PIP5K1B: variants seen among roughly 807,000 people sequenced by gnomAD.
The protein encoded by PIP5K1B is phosphatidylinositol 4-phosphate 5-kinase type-1 beta.
Under a neutral mutation model 67.0 loss-of-function variants are expected in PIP5K1B, and 42 were observed. The ratio of observed to expected loss-of-function variants is 0.63; its 90% CI spans 0.49 to 0.81. PIP5K1B has a LOEUF of 0.81. PIP5K1B is among the 30% of genes least tolerant of loss of function. The pLI is 0.00. For missense variants in PIP5K1B, 459 were observed against 646.3 expected, an observed-to-expected ratio of 0.71 and a Z score of 3.14; for synonymous variants, 214 against 231.4, an observed-to-expected ratio of 0.92 and a Z score of 0.68.
intron 14 of PIP5K1B, among the ~76,000 whole-genome samples, chr9:68,971,310 C>A (rs542492073): frequency 6.6e-6 from 1 of 152,296 alleles, no homozygotes; most frequent in East Asian, 1.9e-4. Flanking sequence ...AATGTCCCTG[C>A]AAAGGACATA....
At chr9:68,850,888 A>G (rs779673092) in intron 4 of PIP5K1B, among the ~76,000 whole-genome samples, 14 of 152,244 alleles carry the variant, frequency 9.2e-5, no homozygotes, top group Non-Finnish European at 1.8e-4. Flanking sequence ...TTACATTTAT[A>G]ATGAATATCT....
intron 14 of PIP5K1B, among the ~76,000 whole-genome samples, chr9:68,990,576 C>T (rs1258739467): frequency 1.3e-5 from 2 of 149,746 alleles, no homozygotes; most frequent in Admixed American, 6.7e-5. Flanking sequence ...ACTCACAAGG[C>T]ATGGGACCCA....
intron 6 of PIP5K1B, 100 bp from the exon 7 acceptor site, chr9:68,888,881 G>C: frequency 1.3e-6 from 1 of 792,966 alleles, no homozygotes; most frequent in Non-Finnish European, 2.0e-6. Flanking sequence ...GAGGCTTCTT[G>C]TTTCAACATA....
chr9:68,884,022 A>C (rs1410287446), intron 6 of PIP5K1B, among the ~76,000 whole-genome samples: 1 of 152,216 alleles, frequency 6.6e-6, no homozygotes, highest in Non-Finnish European at 1.5e-5. Context: ...TAAAGTCTTA[A>C]ATGGAAGGCC....
At chr9:68,872,341 C>T (rs1823666083) in intron 5 of PIP5K1B, among the ~76,000 whole-genome samples, 1 of 152,176 alleles carries the variant, frequency 6.6e-6, no homozygotes, top group African/African-American at 2.4e-5. Context: ...CCAGCAGGGG[C>T]CAGCGATCTC....
intron 13 of PIP5K1B, chr9:68,936,062 A>C (rs1827251109): frequency 6.6e-6 from 1 of 152,232 alleles, no homozygotes; most frequent in African/African-American, 2.4e-5. Context: ...TTTCTTGGAT[A>C]AATGCAGAGA....
intron 8 of PIP5K1B, among the ~76,000 whole-genome samples, chr9:68,895,081 C>T (rs892853749): frequency 9.2e-5 from 14 of 151,722 alleles, no homozygotes; most frequent in Admixed American, 6.6e-5. Context: ...ATAATGGCTC[C>T]CTAGAGATCA....
intron 2 of PIP5K1B, among the ~76,000 whole-genome samples, chr9:68,762,127 T>G (rs768230574): frequency 3.9e-5 from 6 of 152,122 alleles, no homozygotes; most frequent in Non-Finnish European, 7.4e-5. Flanking sequence ...TCCAGCTATT[T>G]CTTAAAGCTG....
Position 68,852,953 on chromosome 9 carries a change from T to C in PIP5K1B, c.70-10884T>C, listed in dbSNP as rs139043757. Among the ~76,000 whole-genome samples the C allele has an allele frequency of 1.3e-3, 196 of 152,328 alleles. 3 individuals are homozygous for C. The highest frequency in any genetic ancestry group is 4.5e-3 in the African/African-American group (186 of 41,564). ...GACTTGGTATTTGAGGATTGATTTA[T>C]TACAGCATTTAGCATTAACAGGAAC... On this transcript the variant is annotated intron_variant, in intron 4 of 15. Coordinates refer to ENST00000265382, the MANE Select transcript of PIP5K1B (RefSeq NM_003558.4).
intron 14 of PIP5K1B, among the ~76,000 whole-genome samples, chr9:68,960,020 C>T (rs1355274881): frequency 6.6e-6 from 1 of 152,172 alleles, no homozygotes; most frequent in Non-Finnish European, 1.5e-5. Flanking sequence ...ATATTTCCCT[C>T]TTCTTGGTTT....
At chr9:68,726,901 A>C (rs1012927039) in intron 1 of PIP5K1B, among the ~76,000 whole-genome samples, 1 of 151,942 alleles carries the variant, frequency 6.6e-6, no homozygotes, top group Non-Finnish European at 1.5e-5. Flanking sequence ...CATGTTGAGC[A>C]TCTTTTCATG....
chr9:68,992,669 ATC>A (rs1386709934), intron 15 of PIP5K1B, among the ~76,000 whole-genome samples: 1 of 151,300 alleles, frequency 6.6e-6, no homozygotes, highest in Non-Finnish European at 1.5e-5. Context: ...GTGAAACCCC[ATC>A]TCTACTAAAA....
chr9:68,985,964 A>T (rs1300433596), intron 14 of PIP5K1B, among the ~76,000 whole-genome samples: 1 of 152,254 alleles, frequency 6.6e-6, no homozygotes, highest in Non-Finnish European at 1.5e-5. Context: ...TTATTACTGC[A>T]TAATATTCCA....
At chr9:68,959,170 T>C (rs1828575435) in intron 14 of PIP5K1B, among the ~76,000 whole-genome samples, 2 of 152,180 alleles carry the variant, frequency 1.3e-5, no homozygotes, top group South Asian at 4.1e-4. Flanking sequence ...AGGAACTTTA[T>C]GATAGAGGAA....
intron 6 of PIP5K1B, among the ~76,000 whole-genome samples, chr9:68,878,192 C>T (rs1203074769): frequency 6.6e-6 from 1 of 152,170 alleles, no homozygotes; most frequent in Non-Finnish European, 1.5e-5. Context: ...GCCACACACT[C>T]AAATTTAATG....
intron 14 of PIP5K1B, among the ~76,000 whole-genome samples, chr9:68,949,904 G>A (rs1287094171): frequency 6.6e-6 from 1 of 152,194 alleles, no homozygotes; most frequent in Non-Finnish European, 1.5e-5. Flanking sequence ...CGAACAGTTG[G>A]CTACATCTGA....
chr9:68,966,663 C>G (rs1451811425), intron 14 of PIP5K1B: 1 of 152,120 alleles, frequency 6.6e-6, no homozygotes, highest in Admixed American at 6.6e-5. Flanking sequence ...CACATGGTAT[C>G]CAGAGTGGGA....
At chr9:68,870,486 C>T (rs1823578688) in intron 5 of PIP5K1B, among the ~76,000 whole-genome samples, 1 of 152,128 alleles carries the variant, frequency 6.6e-6, no homozygotes, top group Admixed American at 6.5e-5. Context: ...AAAAAGAGGA[C>T]CAATTTCTGT....
At chr9:68,815,017 T>G (rs1308786396) in intron 2 of PIP5K1B, among the ~76,000 whole-genome samples, 1 of 152,172 alleles carries the variant, frequency 6.6e-6, no homozygotes, top group East Asian at 1.9e-4. Context: ...AAAGCTATTT[T>G]ACTCATCCCC....
Sources: allele counts gnomAD v4.1 joint callset (sites outside exome capture counted in the v4.1 genomes callset), GRCh38; gene constraint gnomAD v4.1.1; transcripts MANE v1.5; gene names NCBI Gene and HGNC (gene_info 2026-07-23, HGNC 2026-07-21).